Variants in LEPR observed in about 807,000 individuals in gnomAD.
The protein encoded by LEPR is leptin receptor, also known as OB receptor.
In LEPR, 56 loss-of-function variants were observed where a neutral mutation model predicts 114.7. The ratio of observed to expected loss-of-function variants is 0.49; its 90% CI spans 0.39 to 0.61. LEPR has a LOEUF of 0.61. LEPR is among the 20% of genes least tolerant of loss of function. The pLI is 0.00. For missense variants in LEPR, 1,202 were observed against 1,352.9 expected (o/e 0.89, Z 1.75); for synonymous variants, 443 against 461.4 (o/e 0.96, Z 0.51).
intron 2 of LEPR, among the ~76,000 whole-genome samples, chr1:65,454,423 G>T (rs1646837358): frequency 6.6e-6 from 1 of 152,012 alleles, no homozygotes; most frequent in South Asian, 2.1e-4. Context: ...GCTGGTACCG[G>T]TTGTTCCTTT....
intron 2 of LEPR, among the ~76,000 whole-genome samples, chr1:65,426,871 G>GC (rs1441932201): frequency 2.0e-5 from 3 of 152,298 alleles, no homozygotes; most frequent in South Asian, 2.1e-4. Context: ...GGTGGCACAC[G>GC]CCTGTATTCC....
At chr1:65,617,578 C>T (rs74602581) in intron 15 of LEPR, among the ~76,000 whole-genome samples, 1,967 of 152,278 alleles carry the variant, frequency 0.013, 38 homozygotes, top group African/African-American at 0.045. Flanking sequence ...TGTAGAAATC[C>T]GCTGGAGGCT....
intron 2 of LEPR, among the ~76,000 whole-genome samples, chr1:65,506,905 G>T (rs1262819055): frequency 6.6e-6 from 1 of 151,994 alleles, no homozygotes; most frequent in Non-Finnish European, 1.5e-5. Context: ...CTGAAACTTC[G>T]TATCAGCTGA....
intron 2 of LEPR, chr1:65,431,994 TTAC>T: frequency 6.7e-7 from 1 of 1,494,992 alleles, no homozygotes; most frequent in Non-Finnish European, 8.9e-7. Flanking sequence ...ATGCGGCATT[TTAC>T]TATGAAATTT....
At chr1:65,541,110 A>G (rs1299130695) in intron 2 of LEPR, among the ~76,000 whole-genome samples, 1 of 152,182 alleles carries the variant, frequency 6.6e-6, no homozygotes, top group Non-Finnish European at 1.5e-5. Flanking sequence ...AGCATGAGCC[A>G]CCGTGCCTAG....
At chr1:65,459,183 A>G (rs1394991123) in intron 2 of LEPR, among the ~76,000 whole-genome samples, 1 of 152,206 alleles carries the variant, frequency 6.6e-6, no homozygotes, top group African/African-American at 2.4e-5. Context: ...TATGTGACTC[A>G]GCACCCTTGG....
intron 2 of LEPR, among the ~76,000 whole-genome samples, chr1:65,474,220 C>T (rs1332867862): frequency 2.6e-5 from 4 of 152,148 alleles, no homozygotes; most frequent in South Asian, 4.1e-4. Context: ...ACCTATGATT[C>T]TGTACATCTC....
intron 5 of LEPR, among the ~76,000 whole-genome samples, chr1:65,584,575 T>C (rs1655197463): frequency 6.6e-6 from 1 of 152,120 alleles, no homozygotes; most frequent in African/African-American, 2.4e-5. Context: ...CACAGTGTGT[T>C]ACTTATTTGC....
Position 65,621,458 on chromosome 1 carries a change from G to A in LEPR, c.2597G>A (p.Arg866Lys), listed in dbSNP as rs1453792441. The A allele has an allele frequency of 6.2e-7, 1 of 1,610,848 alleles. No individual in the cohort carries two copies. The highest frequency in any genetic ancestry group is 1.3e-5 in the African/African-American group (1 of 74,810). The change falls in exon 18 of 20, where the codon AGA becomes AAA. Residue 866 changes from arginine (R) to lysine (K), a missense_variant and splice_region_variant. Coordinates refer to ENST00000349533, the MANE Select transcript of LEPR (RefSeq NM_002303.6). ...LLGTLLISHQ[R>K]MKKLFWEDVP... The stretch of plus-strand genomic sequence containing the variant: ...GGAACATTATTAATATCACACCAAA[G>A]GTATTGTACTTGAGGTTAAGAATCT...
chr1:65,616,240 G>A lies in LEPR; in HGVS notation c.2212+16G>A. On this transcript the variant is annotated intron_variant, in intron 15 of 19. Transcript: ENST00000349533. ...ATGAGCAAAGGTAAGAAGAGGTACA[G>A]AGTGGTAATCCATTGCCTCTTTTAA... 1 of 1,612,042 alleles carries A rather than the reference G, an allele frequency of 6.2e-7. No homozygotes were observed. Among genetic ancestry groups the A allele is most frequent in the Non-Finnish European group, 8.5e-7 (1 of 1,178,466 alleles).
At chr1:65,470,685 ACT>A (rs1647072674) in intron 2 of LEPR, among the ~76,000 whole-genome samples, 1 of 152,028 alleles carries the variant, frequency 6.6e-6, no homozygotes, top group Non-Finnish European at 1.5e-5. Flanking sequence ...TATAATGAAA[ACT>A]CTTTTATCTA....
rs779627675 is a variant in LEPR, at chr1:65,636,824, C to T, written c.3307C>T (p.Pro1103Ser). 1.9e-6 allele frequency: 3 copies of T among 1,613,694 alleles called. No individual in the cohort carries two copies. The highest frequency in any genetic ancestry group is 2.5e-6 in the Non-Finnish European group (3 of 1,179,868). ...LLTDKSRVSCPFPAPCLFTDI... is the reference protein window; with the variant it reads ...LLTDKSRVSCSFPAPCLFTDI... ...GACTGACAAGTCAAGGGTATCGTGCCCATTCCCAGCCCCCTGTTTATTCAC... is the reference window on the plus strand; with the variant it reads ...GACTGACAAGTCAAGGGTATCGTGCTCATTCCCAGCCCCCTGTTTATTCAC... The change falls in exon 20 of 20, where the codon CCA (proline) becomes TCA (serine). Residue 1103 changes from proline (P) to serine (S), a missense_variant. Pro to Ser is a moderately conservative substitution (Grantham distance 74). Transcript: ENST00000349533.
rs200162450 is a variant in LEPR at position 65,519,005 on chromosome 1, C to T, written c.-20-46541C>T. ...CTCTTTCCTTCCTTCCTTCTTTCTTCTTTCTTTCTCTTTCTTTCTCTTTCT... is the reference window on the plus strand; with the variant it reads ...CTCTTTCCTTCCTTCCTTCTTTCTTTTTTCTTTCTCTTTCTTTCTCTTTCT... On this transcript the variant is annotated intron_variant, in intron 2 of 19. Transcript: ENST00000349533. Among the ~76,000 whole-genome samples the T allele has an allele frequency of 3.1e-3, 140 of 45,784 alleles. 1 individual carries two copies. Among genetic ancestry groups the T allele is most frequent in the Middle Eastern group, 0.015 (1 of 68 alleles). The allele number at this position is 45,784 out of a possible 152,430, so 30.0% of individuals were successfully genotyped here. A position where few individuals can be genotyped will look rare whatever the true frequency, so the allele number is the denominator to read the frequency against.
At chr1:65,487,028 T>C (rs17127669) in intron 2 of LEPR, among the ~76,000 whole-genome samples, 1,946 of 152,274 alleles carry the variant, frequency 0.013, 32 homozygotes, top group African/African-American at 0.044. Context: ...TTCAATCTAA[T>C]ATAACACTAA....
rs767839212 is a variant in LEPR, at chr1:65,601,382, C to G, written c.995-10C>G. On this transcript the variant is annotated splice_polypyrimidine_tract_variant and intron_variant, in intron 8 of 19. Transcript: ENST00000349533. ...GTCTTCATCTGATATCCTTTCTTCC[C>G]TCATTACAGATGTCATATACTTTCC... 6.2e-7 allele frequency: 1 copy of G among 1,611,264 alleles called. No homozygotes were observed. Among genetic ancestry groups the G allele is most frequent in the East Asian group, 2.2e-5 (1 of 44,818 alleles).
chr1:65,465,325 T>G (rs1181769069), intron 2 of LEPR, among the ~76,000 whole-genome samples: 2 of 152,182 alleles, frequency 1.3e-5, no homozygotes, highest in Non-Finnish European at 2.9e-5. Context: ...TTCCATGTAG[T>G]TGTGTGGTTT....
chr1:65,477,519 T>C lies in LEPR; in HGVS notation c.-21+52141T>C, dbSNP rs1570526531. 2.0e-5 allele frequency among the ~76,000 whole-genome samples: 3 copies of C among 152,182 alleles called. No individual in the cohort carries two copies. In the South Asian group the frequency reaches 6.2e-4, roughly 32 times the overall value. On this transcript the variant is annotated intron_variant, in intron 2 of 19. Coordinates refer to ENST00000349533, the MANE Select transcript of LEPR (RefSeq NM_002303.6). ...GGGTAAGGCAGTGCCATGTGGAAGG[T>C]ATATTTTTAATGGGTGGGACCTTGA...
intron 2 of LEPR, among the ~76,000 whole-genome samples, chr1:65,446,353 G>T (rs1646714328): frequency 6.6e-6 from 1 of 152,138 alleles, no homozygotes; most frequent in Admixed American, 6.5e-5. Context: ...CATGGCATCT[G>T]TAAACTGTCA....
chr1:65,618,736 CTCA>C (rs1173855283), intron 16 of LEPR, among the ~76,000 whole-genome samples: 1 of 152,020 alleles, frequency 6.6e-6, no homozygotes, highest in Non-Finnish European at 1.5e-5. Context: ...CAATTTTCTC[CTCA>C]TTTCTTTCTA....
Sources: allele counts gnomAD v4.1 joint callset (sites outside exome capture counted in the v4.1 genomes callset), GRCh38; gene constraint gnomAD v4.1.1; transcripts MANE v1.5; gene names NCBI Gene and HGNC (gene_info 2026-07-23, HGNC 2026-07-21).